The following SETBP1 variants were observed in gnomAD, a reference collection of about 807,000 sequenced individuals.
SETBP1 encodes SET binding protein 1, also known as SET-binding protein.
SETBP1 carries 9 observed loss-of-function variants against 101.0 expected under a neutral mutation model. The observed-to-expected ratio is 0.09, with a 90% CI of 0.05 to 0.16. The LOEUF (loss-of-function observed/expected upper bound fraction) is 0.16. Ranked by LOEUF, SETBP1 falls within the 10% of genes least tolerant of loss-of-function variation. SETBP1 has a pLI of 1.00. For missense variants in SETBP1, 1,858 were observed against 2,033.8 expected, an observed-to-expected ratio of 0.91 and a Z score of 1.66; for synonymous variants, 818 against 788.5, an observed-to-expected ratio of 1.04 and a Z score of -0.63.
At chr18:44,769,838 G>A (rs2070835622) in intron 2 of SETBP1, among the ~76,000 whole-genome samples, 1 of 152,158 alleles carries the variant, frequency 6.6e-6, no homozygotes, top group South Asian at 2.1e-4. Flanking sequence ...CTGTGCTGAG[G>A]GTCATCTTTT....
chr18:44,688,326 G>C (rs2068870302), intron 1 of SETBP1, among the ~76,000 whole-genome samples: 1 of 152,184 alleles, frequency 6.6e-6, no homozygotes, highest in Admixed American at 6.5e-5. Flanking sequence ...TGGGGAAGCT[G>C]AATTTGATGG....
Position 44,930,980 on chromosome 18 carries a change from G to A in SETBP1, c.541-18901G>A, listed in dbSNP as rs192680603. Among the ~76,000 whole-genome samples, 116 of 152,084 alleles carry A rather than the reference G, an allele frequency of 7.6e-4. 3 individuals carry two copies. Among genetic ancestry groups the A allele is most frequent in the Non-Finnish European group, 5.7e-4 (39 of 68,000 alleles). ...CTTAGTTATTTCTTGCCTTCTGCTA[G>A]CTTTTGAATGTATTTGCTCTTGCTT... On this transcript the variant is annotated intron_variant, in intron 3 of 5. Coordinates refer to ENST00000649279, the MANE Select transcript of SETBP1 (RefSeq NM_015559.3).
At chr18:44,835,667 T>C (rs2072480792) in intron 2 of SETBP1, among the ~76,000 whole-genome samples, 1 of 152,234 alleles carries the variant, frequency 6.6e-6, no homozygotes, top group Non-Finnish European at 1.5e-5. Flanking sequence ...CTGCTCAATG[T>C]TTCTTTCCCA....
chr18:44,959,941 T>G (rs2071574493), intron 4 of SETBP1, among the ~76,000 whole-genome samples: 1 of 152,070 alleles, frequency 6.6e-6, no homozygotes, highest in African/African-American at 2.4e-5. Context: ...TGAGACAGTC[T>G]TACTCCATCA....
At chr18:45,009,489 T>G (rs2145369178) in intron 4 of SETBP1, among the ~76,000 whole-genome samples, 1 of 151,898 alleles carries the variant, frequency 6.6e-6, no homozygotes, top group East Asian at 1.9e-4. Flanking sequence ...TGCTTGTTGT[T>G]TTTTGTTCGA....
chr18:44,960,661 C>T (rs2071593591), intron 4 of SETBP1, among the ~76,000 whole-genome samples: 1 of 152,122 alleles, frequency 6.6e-6, no homozygotes, highest in Non-Finnish European at 1.5e-5. Flanking sequence ...ACTTTTTAAA[C>T]AAGTGAAAGC....
intron 3 of SETBP1, among the ~76,000 whole-genome samples, chr18:44,933,537 C>T (rs971919022): frequency 3.3e-5 from 5 of 152,244 alleles, no homozygotes; most frequent in African/African-American, 1.2e-4. Context: ...TCAGCTATGC[C>T]CTGCCCTCAG....
intron 2 of SETBP1, among the ~76,000 whole-genome samples, chr18:44,849,778 C>T (rs2072809979): frequency 6.6e-6 from 1 of 152,040 alleles, no homozygotes; most frequent in African/African-American, 2.4e-5. Flanking sequence ...GATCCCATAC[C>T]TTCAAAATGG....
rs200181473 is a variant in SETBP1 at position 45,000,240 on chromosome 18, A to AG, written c.4001-38243dup. On this transcript the variant is annotated intron_variant, in intron 4 of 5. Transcript: ENST00000649279. ...AAAGAGGAGGCTGGTCTTGGTTATTAGGCACTAAGACATTTGAACTTGGAT... is the reference window on the plus strand; with the variant it reads ...AAAGAGGAGGCTGGTCTTGGTTATTAGGGCACTAAGACATTTGAACTTGGAT... 8.9e-3 allele frequency among the ~76,000 whole-genome samples: 1,360 copies of AG among 152,350 alleles called. 19 individuals carry two copies. Among genetic ancestry groups the AG allele is most frequent in the African/African-American group, 0.031 (1,289 of 41,574 alleles).
At chr18:44,941,274 C>T (rs1186535069) in intron 3 of SETBP1, among the ~76,000 whole-genome samples, 3 of 151,656 alleles carry the variant, frequency 2.0e-5, no homozygotes, top group Admixed American at 6.6e-5. Flanking sequence ...TTAGTAGACA[C>T]GGGGTTTTAC....
chr18:44,955,840 C>A (rs974535900), intron 4 of SETBP1, among the ~76,000 whole-genome samples: 2 of 152,190 alleles, frequency 1.3e-5, no homozygotes, highest in African/African-American at 4.8e-5. Flanking sequence ...TTCCCTAAGG[C>A]ATCTGCACAG....
chr18:44,910,310 C>T (rs1348539430), intron 3 of SETBP1, among the ~76,000 whole-genome samples: 1 of 152,104 alleles, frequency 6.6e-6, no homozygotes, highest in Non-Finnish European at 1.5e-5. Flanking sequence ...CAAGAGATGG[C>T]GAAGGGGTGA....
chr18:44,991,438 G>A (rs2072376295), intron 4 of SETBP1, among the ~76,000 whole-genome samples: 1 of 151,736 alleles, frequency 6.6e-6, no homozygotes, highest in African/African-American at 2.4e-5. Context: ...GACTGAAAAG[G>A]TATGAAAATA....
At chr18:44,698,254 T>A (rs2069052795) in intron 1 of SETBP1, among the ~76,000 whole-genome samples, 1 of 152,190 alleles carries the variant, frequency 6.6e-6, no homozygotes, top group South Asian at 2.1e-4. Flanking sequence ...GCCTCTAACA[T>A]CAGATTCCCT....
At chr18:44,721,428 C>A (rs187658786) in intron 2 of SETBP1, among the ~76,000 whole-genome samples, 1 of 152,160 alleles carries the variant, frequency 6.6e-6, no homozygotes, top group Non-Finnish European at 1.5e-5. Flanking sequence ...CCAGTTGTAA[C>A]CCATCATGTG....
chr18:44,888,792 GA>G (rs1440726936), intron 3 of SETBP1, among the ~76,000 whole-genome samples: 1 of 152,072 alleles, frequency 6.6e-6, no homozygotes, highest in Non-Finnish European at 1.5e-5. Flanking sequence ...AGAGGGCCTA[GA>G]AAAAGTTGAC....
At chr18:44,732,873 A>T (rs1233332033) in intron 2 of SETBP1, 1 of 152,110 alleles carries the variant, frequency 6.6e-6, no homozygotes, top group Non-Finnish European at 1.5e-5. Context: ...CGGCAAACAG[A>T]GCTTACAGTG....
At chr18:45,004,647 C>T (rs1227570362) in intron 4 of SETBP1, among the ~76,000 whole-genome samples, 1 of 152,242 alleles carries the variant, frequency 6.6e-6, no homozygotes, top group African/African-American at 2.4e-5. Context: ...CACCACTCCT[C>T]CATCTTTTAG....
At chr18:44,900,409 T>A (rs2070015551) in intron 3 of SETBP1, among the ~76,000 whole-genome samples, 1 of 152,242 alleles carries the variant, frequency 6.6e-6, no homozygotes, top group African/African-American at 2.4e-5. Flanking sequence ...TAGTGATCTT[T>A]ATGCTGCCTT....
Sources: gnomAD v4.1 joint callset for allele counts (sites outside exome capture counted in the v4.1 genomes callset) on GRCh38, gnomAD v4.1.1 for gene constraint, MANE v1.5 for transcripts, NCBI Gene and HGNC (gene_info 2026-07-23, HGNC 2026-07-21) for gene names.